The following PPOX variants were observed in gnomAD, a reference collection of about 807,000 sequenced individuals.
The protein encoded by PPOX is protoporphyrinogen oxidase.
A neutral mutation model predicts 54.1 loss-of-function variants in PPOX; 23 were observed. The observed-to-expected ratio is 0.43, with a 90% CI of 0.31 to 0.60. PPOX has a LOEUF of 0.60. Among genes scored for constraint, PPOX ranks in the 20% least tolerant of loss-of-function variants. PPOX has a pLI of 0.13. For synonymous variants in PPOX, 224 were observed against 236.1 expected, an observed-to-expected ratio of 0.95 and a Z score of 0.47; for missense variants, 512 against 601.1, an observed-to-expected ratio of 0.85 and a Z score of 1.55.
chr1:161,171,149 T>G lies in PPOX; in HGVS notation c.1407T>G (p.Ser469Arg). The G allele has an allele frequency of 1.2e-6, 2 of 1,613,538 alleles. No homozygotes were observed. The highest frequency in any genetic ancestry group is 3.3e-5 in the Admixed American group (2 of 60,024). The change falls in exon 13 of 13, where the codon AGT becomes AGG. Residue 469 changes from serine to arginine, a missense_variant. Coordinates refer to ENST00000367999, the MANE Select transcript of PPOX (RefSeq NM_001122764.3). ...CIESGRQAAV[S>R]VLGTEPNS ...AGAGTGGGCGCCAGGCAGCAGTCAG[T>G]GTCCTGGGCACAGAACCTAACAGCT...
downstream of PPOX, among the ~76,000 whole-genome samples, chr1:161,174,409 A>G (rs1382337234): frequency 1.3e-5 from 2 of 152,050 alleles, no homozygotes; most frequent in Non-Finnish European, 2.9e-5. Context: ...TCTCAAAAAA[A>G]AAAAAAAAGA....
chr1:161,169,880 G>A (rs1436924132), intron 8 of PPOX, 26 bp from the exon 9 acceptor site: 1 of 1,614,154 alleles, frequency 6.2e-7, no homozygotes, highest in Admixed American at 1.7e-5. Flanking sequence ...AATGCCTTCT[G>A]AGTCAGGCCT....
At chr1:161,175,843 C>T (rs550664682), downstream of PPOX, 2 of 1,614,016 alleles carry the variant, frequency 1.2e-6, no homozygotes, top group African/African-American at 2.7e-5. Context: ...GTAGGGCAGA[C>T]CTTGAGGAGC....
chr1:161,168,640 A>G, intron 6 of PPOX, 64 bp downstream of exon 6: 16 of 1,576,726 alleles, frequency 1.0e-5, no homozygotes, highest in Non-Finnish European at 1.4e-5. Context: ...GAGTGGGGAC[A>G]AGGGGTGCTA....
At chr1:161,167,328 T>C (rs369399350) in intron 3 of PPOX, 43 bp from the exon 4 acceptor site, 64 of 1,613,890 alleles carry the variant, frequency 4.0e-5, no homozygotes, top group Non-Finnish European at 5.3e-5. Flanking sequence ...GTGGGTCAGA[T>C]CTTCCCTTAG....
upstream of PPOX, chr1:161,165,864 C>G (rs1235556970): frequency 5.8e-6 from 1 of 171,934 alleles, no homozygotes; most frequent in Non-Finnish European, 1.3e-5. Context: ...TGGTGCTGGA[C>G]CCGGACCTGT....
chr1:161,169,531 A>T, intron 7 of PPOX, 129 bp from the exon 8 acceptor site: 2 of 965,668 alleles, frequency 2.1e-6, no homozygotes, highest in Middle Eastern at 2.8e-4. Flanking sequence ...CAATCTCTTC[A>T]TCCTGGGTCA....
At chr1:161,175,862 C>A (rs773754137), downstream of PPOX, 4 of 1,614,120 alleles carry the variant, frequency 2.5e-6, no homozygotes, top group Middle Eastern at 1.6e-4. Flanking sequence ...GCTGGAGGAC[C>A]CCCTGGGGCC....
rs1661130879 is a variant in PPOX at position 161,170,917 on chromosome 1, C to G, written c.1259C>G (p.Pro420Arg). 1.9e-6 allele frequency: 3 copies of G among 1,614,030 alleles called. No individual in the cohort carries two copies. The highest frequency in any genetic ancestry group is 2.5e-6 in the Non-Finnish European group (3 of 1,180,026). Residue 420 changes from proline (P) to arginine (R), a missense_variant, in exon 12 of 13, where the codon CCC becomes CGC. Transcript: ENST00000367999. The stretch of plus-strand genomic sequence containing the variant: ...CTCCTCTCTTCTCAGAACTGCATTC[C>G]CCAGTATACACTAGGTCACTGGCAA... Reference protein sequence around the residue: ...CLVHLHKNCIPQYTLGHWQKL... With the variant: ...CLVHLHKNCIRQYTLGHWQKL...
At chr1:161,175,163 G>C (rs750006852), downstream of PPOX, 1 of 1,613,612 alleles carries the variant, frequency 6.2e-7, no homozygotes, top group African/African-American at 1.3e-5. Flanking sequence ...GGTTCTACCC[G>C]GGGATTCCGC....
chr1:161,171,717 G>C, downstream of PPOX: 2 of 1,498,918 alleles, frequency 1.3e-6, no homozygotes, highest in South Asian at 2.5e-5. Flanking sequence ...CCAGAGTTCA[G>C]TTCCCTCACA....
intron 12 of PPOX, 25 bp from the exon 13 acceptor site, chr1:161,171,009 C>T (rs1466551912): frequency 8.1e-6 from 13 of 1,614,008 alleles, no homozygotes; most frequent in South Asian, 1.1e-5. Flanking sequence ...CCAGCTAAAA[C>T]ATTCCTTTCA....
At chr1:161,173,968 G>A (rs1454462938), downstream of PPOX, 1 of 1,614,168 alleles carries the variant, frequency 6.2e-7, no homozygotes, top group Non-Finnish European at 8.5e-7. Flanking sequence ...TGCAAGAACA[G>A]GCAGTCCCAC....
downstream of PPOX, chr1:161,174,866 T>G (rs1662894339): frequency 9.9e-7 from 1 of 1,014,530 alleles, no homozygotes; most frequent in African/African-American, 1.6e-5. Context: ...CGGGTGCTTC[T>G]CCACACTCTA....
In PPOX at chr1:161,168,113, C is replaced by T. The variant is rs543658261; in HGVS notation, c.457C>T (p.Arg153Cys). 8.1e-6 allele frequency: 13 copies of T among 1,614,172 alleles called. No individual in the cohort carries two copies. The highest frequency in any genetic ancestry group is 1.6e-4 in the Middle Eastern group (1 of 6,062). ...DETVHSFAQR[R>C]LGPEVASLAM... is the part of the protein sequence containing the mutation. ...GACTGTGCACAGTTTTGCCCAGCGC[C>T]GCCTTGGACCTGAGGTGACACTTGC... The change falls in exon 5 of 13, where the codon CGC (arginine) becomes TGC (cysteine). Residue 153 changes from arginine (R) to cysteine (C), a missense_variant. By Grantham distance (180) the Arg-to-Cys change is radical. Transcript: ENST00000367999.
At position 161,168,528 on chromosome 1, in the gene PPOX, G is replaced by A. The variant is rs1356117805; in HGVS notation, c.568G>A (p.Ala190Thr). 1.9e-6 allele frequency: 3 copies of A among 1,614,054 alleles called. No homozygotes were observed. The highest frequency in any genetic ancestry group is 2.7e-5 in the African/African-American group (2 of 74,900). The stretch of plus-strand genomic sequence containing the variant: ...GTCCTGCTTTCCCAGTCTCTTCCAA[G>A]CTGAGCAAACCCATCGTTCCATATT... ...IRSCFPSLFQ[A>T]EQTHRSILLG... Residue 190 changes from alanine (A) to threonine (T), a missense_variant, in exon 6 of 13, where the codon GCT becomes ACT. Physicochemically the swap from Ala to Thr is moderately conservative, Grantham distance 58. Transcript: ENST00000367999.
downstream of PPOX, chr1:161,177,145 G>A (rs1010372953): frequency 1.0e-5 from 15 of 1,435,984 alleles, no homozygotes; most frequent in Admixed American, 1.8e-4. Context: ...GGCAGAGACA[G>A]TCAGGGGTGG....
chr1:161,176,952 T>A (rs112783273), exon 5 of PPOX: 1 of 1,536,012 alleles, frequency 6.5e-7, no homozygotes, highest in Non-Finnish European at 8.7e-7. Flanking sequence ...ATTCTTCATG[T>A]GCCTGGGTGC....
chr1:161,172,455 G>A, downstream of PPOX: 1 of 785,584 alleles, frequency 1.3e-6, no homozygotes, highest in African/African-American at 1.8e-5. Context: ...AAAAAGCCCA[G>A]GACAGAAGTC....
Sources: gnomAD v4.1 joint callset for allele counts (sites outside exome capture counted in the v4.1 genomes callset) on GRCh38, gnomAD v4.1.1 for gene constraint, MANE v1.5 for transcripts, NCBI Gene and HGNC (gene_info 2026-07-23, HGNC 2026-07-21) for gene names.